Variants in SCN2A observed in about 807,000 individuals in gnomAD.
SCN2A encodes sodium channel protein type 2 subunit alpha.
In SCN2A, 20 loss-of-function variants were observed where a neutral mutation model predicts 188.7. The observed-to-expected ratio is 0.11, with a 90% CI of 0.07 to 0.15. SCN2A has a LOEUF of 0.15. SCN2A is among the 10% of genes least tolerant of loss of function. The pLI, the probability that SCN2A is intolerant of heterozygous loss-of-function variation, is 1.00. For missense variants in SCN2A, 1,278 were observed against 2,445.0 expected, an observed-to-expected ratio of 0.52 and a Z score of 10.07; for synonymous variants, 804 against 833.1, an observed-to-expected ratio of 0.97 and a Z score of 0.60.
chr2:165,376,572 T>A (rs1472447847), intron 22 of SCN2A, among the ~76,000 whole-genome samples: 2 of 152,016 alleles, frequency 1.3e-5, no homozygotes, highest in Non-Finnish European at 2.9e-5. Context: ...CTTTATTGTC[T>A]CCCTGACTAT....
chr2:165,341,529 C>T (rs565113890), intron 14 of SCN2A, among the ~76,000 whole-genome samples: 2 of 152,288 alleles, frequency 1.3e-5, no homozygotes, highest in South Asian at 4.1e-4. Flanking sequence ...AAACACATAA[C>T]ACAATTTGAG....
At chr2:165,318,748 T>G (rs955426440) in intron 11 of SCN2A, among the ~76,000 whole-genome samples, 5 of 152,206 alleles carry the variant, frequency 3.3e-5, no homozygotes, top group African/African-American at 1.2e-4. Flanking sequence ...CATTCTTCAT[T>G]GCAAAGCATG....
rs1697591945 is a variant in SCN2A at position 165,314,070 on chromosome 2, A to G, written c.1345A>G (p.Met449Val). The G allele has an allele frequency of 6.2e-7, 1 of 1,613,696 alleles. No individual in the cohort carries two copies. Among genetic ancestry groups the G allele is most frequent in the East Asian group, 2.2e-5 (1 of 44,864 alleles). The change falls in exon 10 of 27, where the codon ATG (methionine) becomes GTG (valine). Residue 449 changes from methionine (M) to valine (V), a missense_variant. Met to Val is a conservative substitution (Grantham distance 21, BLOSUM62 1). Transcript: ENST00000375437. ...ACAGAAGGAAGCTGAATTTCAGCAG[A>G]TGCTCGAACAGTTGAAAAAGCAACA... The part of the protein sequence containing the change: ...AEQKEAEFQQ[M>V]LEQLKKQQEE...
chr2:165,356,787 TC>T (rs995063189), intron 17 of SCN2A, among the ~76,000 whole-genome samples: 1 of 152,026 alleles, frequency 6.6e-6, no homozygotes, highest in Admixed American at 6.6e-5. Flanking sequence ...AGCCATTATG[TC>T]TGAAGTAAGA....
rs572309322 is a variant in SCN2A at position 165,303,335 on chromosome 2, G to C, written c.387-4513G>C. Among the ~76,000 whole-genome samples the C allele has an allele frequency of 2.1e-5, 3 of 141,780 alleles. No homozygotes were observed. In the Middle Eastern group the frequency reaches 0.012, roughly 554 times the overall value. 93.0% of individuals were successfully genotyped at this position (141,780 alleles called of 152,430 possible). A position where few individuals can be genotyped will look rare whatever the true frequency, so the allele number is the denominator to read the frequency against. On this transcript the variant is annotated intron_variant, in intron 3 of 26. Transcript: ENST00000375437. ...CTGTCGCCCTGGCTGGAGTGCAGCA[G>C]CGCAATCTCGGCTCACTGCAAGCTC... is the stretch of plus-strand genomic sequence containing the variant.
chr2:165,376,536 C>T (rs1051964313), intron 22 of SCN2A, among the ~76,000 whole-genome samples: 3 of 151,948 alleles, frequency 2.0e-5, no homozygotes, highest in African/African-American at 7.2e-5. Flanking sequence ...TTCTGCCCCA[C>T]GCTGGAAACA....
rs3214603 is a variant in SCN2A at position 165,307,705 on chromosome 2, CA to C, written c.387-135del. 0.36 allele frequency: 242,988 copies of C among 666,360 alleles called. 46,351 individuals carry two copies. Among genetic ancestry groups the C allele is most frequent in the South Asian group, 0.5 (28,547 of 57,194 alleles). The allele number at this position is 666,360 out of a possible 1,614,324, so 41.3% of individuals were successfully genotyped here. A position where few individuals can be genotyped will look rare whatever the true frequency, so the allele number is the denominator to read the frequency against. The stretch of plus-strand genomic sequence containing the variant: ...TGAGGTTGCTGAGTTATAGAAATGG[CA>C]AAAAAAAGGGTCAATAATAGAATAA... On this transcript the variant is annotated intron_variant, in intron 3 of 26. Transcript: ENST00000375437.
chr2:165,295,298 C>T (rs1343203465), intron 1 of SCN2A, among the ~76,000 whole-genome samples: 1 of 152,196 alleles, frequency 6.6e-6, no homozygotes, highest in Non-Finnish European at 1.5e-5. Context: ...ATAAAGTGAG[C>T]CAAAGGGCAC....
chr2:165,384,841 AGAT>A (rs1701787598), intron 25 of SCN2A, among the ~76,000 whole-genome samples: 1 of 152,190 alleles, frequency 6.6e-6, no homozygotes, highest in Non-Finnish European at 1.5e-5. Flanking sequence ...AATAGTAGAC[AGAT>A]AAACTATGTA....
At chr2:165,347,006 A>G (rs1699625149) in intron 16 of SCN2A, among the ~76,000 whole-genome samples, 1 of 152,216 alleles carries the variant, frequency 6.6e-6, no homozygotes, top group African/African-American at 2.4e-5. Flanking sequence ...AGTGTAAACT[A>G]GTTCAACCAT....
intron 17 of SCN2A, among the ~76,000 whole-genome samples, chr2:165,360,284 T>C (rs1700395804): frequency 6.6e-6 from 1 of 151,994 alleles, no homozygotes; most frequent in Admixed American, 6.6e-5. Flanking sequence ...TAATTTACTT[T>C]CATTTGCTCA....
Position 165,270,297 on chromosome 2 carries a change from A to G in SCN2A, c.-51-25476A>G, listed in dbSNP as rs1272489512. 3.3e-5 allele frequency: 5 copies of G among 152,008 alleles called. No homozygotes were observed. In the South Asian group the frequency reaches 8.3e-4, roughly 25 times the overall value. 9.4% of individuals were successfully genotyped at this position (152,008 alleles called of 1,614,324 possible). ...TTCTATTTTGCTACTGTTTTTATTC[A>G]CTTAACAGTAAATTTCAAACAAGTT... On this transcript the variant is annotated intron_variant, in intron 1 of 26. Coordinates refer to ENST00000375437, the MANE Select transcript of SCN2A (RefSeq NM_001040142.2).
At chr2:165,367,895 G>A (rs754643792) in intron 19 of SCN2A, among the ~76,000 whole-genome samples, 2 of 152,128 alleles carry the variant, frequency 1.3e-5, no homozygotes, top group Non-Finnish European at 2.9e-5. Flanking sequence ...AGCGTCTAGG[G>A]GAGGGTGCCT....
At chr2:165,311,301 G>T (rs1006863631) in intron 7 of SCN2A, among the ~76,000 whole-genome samples, 1 of 151,900 alleles carries the variant, frequency 6.6e-6, no homozygotes, top group South Asian at 2.1e-4. Context: ...ATAAAAATAC[G>T]TATGTTTGCA....
intron 1 of SCN2A, chr2:165,285,215 T>G (rs1695776723): frequency 6.5e-6 from 1 of 153,148 alleles, no homozygotes; most frequent in Non-Finnish European, 1.5e-5. Context: ...GAACCAGGGC[T>G]GGGTGTGGGC....
chr2:165,345,453 C>G (rs1699526218), intron 16 of SCN2A, among the ~76,000 whole-genome samples: 1 of 151,992 alleles, frequency 6.6e-6, no homozygotes, highest in Admixed American at 6.6e-5. Flanking sequence ...GCATTGATCC[C>G]TTTTACCATT....
intron 1 of SCN2A, among the ~76,000 whole-genome samples, chr2:165,277,687 A>C (rs901931173): frequency 6.6e-6 from 1 of 152,224 alleles, no homozygotes; most frequent in Non-Finnish European, 1.5e-5. Context: ...GTCTGCTCAG[A>C]ACTTCTTCAA....
intron 1 of SCN2A, among the ~76,000 whole-genome samples, chr2:165,262,740 A>G (rs1199917226): frequency 6.6e-6 from 1 of 152,136 alleles, no homozygotes; most frequent in African/African-American, 2.4e-5. Flanking sequence ...TCGTATAATG[A>G]CTTCCTTTCC....
Position 165,313,565 on chromosome 2 carries a change from C to A in SCN2A, c.1035-55C>A, listed in dbSNP as rs77301739. 3.0e-3 allele frequency: 4,828 copies of A among 1,605,642 alleles called. 105 individuals are homozygous for A. The highest frequency in any genetic ancestry group is 0.03 in the South Asian group (2,722 of 90,894). On this transcript the variant is annotated intron_variant, in intron 8 of 26. Coordinates refer to ENST00000375437, the MANE Select transcript of SCN2A (RefSeq NM_001040142.2). ...TTGGCATATATTAAAACAGGAAAAC[C>A]AATTAGCAGACTTGCCGTTATTGAC...
Sources: allele counts gnomAD v4.1 joint callset (sites outside exome capture counted in the v4.1 genomes callset), GRCh38; gene constraint gnomAD v4.1.1; transcripts MANE v1.5; gene names NCBI Gene and HGNC (gene_info 2026-07-23, HGNC 2026-07-21).